The following STAU2 variants were observed in gnomAD, a reference collection of about 807,000 sequenced individuals.
STAU2 encodes the protein staufen double-stranded RNA binding protein 2.
A neutral mutation model predicts 65.9 loss-of-function variants in STAU2; 20 were observed. The ratio of observed to expected loss-of-function variants is 0.30; its 90% CI spans 0.21 to 0.44. The LOEUF (loss-of-function observed/expected upper bound fraction) is 0.44. Ranked by LOEUF, STAU2 falls within the 20% of genes least tolerant of loss-of-function variation. The pLI is 1.00. For missense variants in STAU2, 558 were observed against 683.9 expected (o/e 0.82, Z 2.05); for synonymous variants, 232 against 233.9 (o/e 0.99, Z 0.07).
chr8:73,687,319 T>A lies in STAU2; in HGVS notation c.274+1335A>T, dbSNP rs1345354177. Among the ~76,000 whole-genome samples, 5 of 119,414 alleles carry A rather than the reference T, an allele frequency of 4.2e-5. No individual in the cohort carries two copies. The South Asian group carries it at 7.5e-4, about 18-fold the overall frequency. The allele number at this position is 119,414 out of a possible 152,430, so 78.3% of individuals were successfully genotyped here. On this transcript the variant is annotated intron_variant, in intron 5 of 14. Coordinates refer to ENST00000524300, the MANE Select transcript of STAU2 (RefSeq NM_001164380.2). ...TTATATTTATAAATATAATTTATAT[T>A]TATATTTATAAATATAATTTATATT...
intron 9 of STAU2, among the ~76,000 whole-genome samples, chr8:73,605,241 G>A (rs1223854422): frequency 1.3e-5 from 2 of 148,620 alleles, no homozygotes; most frequent in East Asian, 2.0e-4. Context: ...AATACATCAT[G>A]TTCATCGATC....
At chr8:73,516,380 T>A (rs917951163) in intron 13 of STAU2, among the ~76,000 whole-genome samples, 3 of 151,990 alleles carry the variant, frequency 2.0e-5, no homozygotes, top group African/African-American at 7.3e-5. Flanking sequence ...AATTTTCACA[T>A]ATTAAATTAT....
chr8:73,662,994 C>T (rs1816947217), intron 6 of STAU2, among the ~76,000 whole-genome samples: 2 of 152,098 alleles, frequency 1.3e-5, no homozygotes, highest in Admixed American at 1.3e-4. Context: ...TCCCCATTAG[C>T]ACCTTCACTG....
intron 3 of STAU2, among the ~76,000 whole-genome samples, chr8:73,719,324 G>A (rs377014931): frequency 3.3e-5 from 5 of 152,094 alleles, no homozygotes; most frequent in South Asian, 2.1e-4. Context: ...AGAATGGCAC[G>A]AACTCACAAG....
chr8:73,516,670 G>A (rs1372781892), intron 13 of STAU2, among the ~76,000 whole-genome samples: 1 of 152,108 alleles, frequency 6.6e-6, no homozygotes, highest in African/African-American at 2.4e-5. Flanking sequence ...TTAATTGAAG[G>A]TGTATTGCTA....
At chr8:73,540,424 C>A (rs988316068) in intron 13 of STAU2, among the ~76,000 whole-genome samples, 1 of 152,210 alleles carries the variant, frequency 6.6e-6, no homozygotes, top group African/African-American at 2.4e-5. Context: ...ACCCTGCTGA[C>A]ACTTTGATTT....
intron 5 of STAU2, among the ~76,000 whole-genome samples, chr8:73,681,494 A>G (rs1165291488): frequency 3.3e-5 from 5 of 152,216 alleles, no homozygotes; most frequent in Non-Finnish European, 7.3e-5. Context: ...AAAGCCTCAG[A>G]ATACACCAAA....
intron 6 of STAU2, chr8:73,652,701 G>C (rs1379450740): frequency 6.6e-6 from 1 of 150,830 alleles, no homozygotes; most frequent in African/African-American, 2.4e-5. Context: ...CTCCAGCCTA[G>C]GTGACAGAGC....
chr8:73,709,008 C>A, intron 4 of STAU2, 24 bp downstream of exon 4: 1 of 1,490,454 alleles, frequency 6.7e-7, no homozygotes. Flanking sequence ...AAGTATGTCT[C>A]ACCACCTCTC....
intron 5 of STAU2, among the ~76,000 whole-genome samples, chr8:73,679,358 C>T (rs1001553157): frequency 6.6e-6 from 1 of 152,162 alleles, no homozygotes; most frequent in African/African-American, 2.4e-5. Flanking sequence ...AGAACCACCA[C>T]AAGAACATAC....
At chr8:73,428,826 G>A (rs1054984094) in intron 13 of STAU2, among the ~76,000 whole-genome samples, 3 of 152,060 alleles carry the variant, frequency 2.0e-5, no homozygotes, top group Admixed American at 6.6e-5. Context: ...TATATGAGAC[G>A]AAGGCCAGGT....
At chr8:73,553,019 T>C (rs1204206849) in intron 12 of STAU2, among the ~76,000 whole-genome samples, 2 of 152,198 alleles carry the variant, frequency 1.3e-5, no homozygotes, top group Non-Finnish European at 2.9e-5. Flanking sequence ...ATGACCATTG[T>C]AGGGATTATC....
intron 6 of STAU2, among the ~76,000 whole-genome samples, chr8:73,662,598 T>TG (rs1816911225): frequency 1.4e-5 from 2 of 146,722 alleles, no homozygotes; most frequent in African/African-American, 2.7e-5. Context: ...GTTCAGGGGT[T>TG]TTTGTTGTTG....
At chr8:73,685,133 A>T (rs775642626) in intron 5 of STAU2, among the ~76,000 whole-genome samples, 1 of 152,160 alleles carries the variant, frequency 6.6e-6, no homozygotes, top group African/African-American at 2.4e-5. Context: ...CTTATGAAGA[A>T]GATGCCTGCC....
chr8:73,489,418 G>A (rs957883004), intron 13 of STAU2, among the ~76,000 whole-genome samples: 1 of 151,894 alleles, frequency 6.6e-6, no homozygotes, highest in African/African-American at 2.4e-5. Flanking sequence ...ACTGATGGAG[G>A]TCTTAATCTA....
chr8:73,665,275 A>G (rs968484724), intron 6 of STAU2, among the ~76,000 whole-genome samples: 6 of 152,238 alleles, frequency 3.9e-5, no homozygotes. Context: ...TCTATTCTAT[A>G]AAGTGATATC....
At chr8:73,600,435 A>C (rs1811552040) in intron 10 of STAU2, among the ~76,000 whole-genome samples, 1 of 152,218 alleles carries the variant, frequency 6.6e-6, no homozygotes, top group Non-Finnish European at 1.5e-5. Context: ...AATCTAGTAC[A>C]GTCAGACCAG....
intron 4 of STAU2, among the ~76,000 whole-genome samples, chr8:73,702,598 CAA>C (rs1820193138): frequency 6.6e-6 from 1 of 151,716 alleles, no homozygotes; most frequent in Admixed American, 6.6e-5. Flanking sequence ...AAAAAAGAGA[CAA>C]AGAATATTAT....
intron 13 of STAU2, among the ~76,000 whole-genome samples, chr8:73,448,105 C>T (rs1188180211): frequency 2.0e-5 from 3 of 152,166 alleles, no homozygotes; most frequent in Admixed American, 6.5e-5. Flanking sequence ...CCAAGGAGGA[C>T]CCTAGGCAAA....
Sources: allele counts gnomAD v4.1 joint callset (sites outside exome capture counted in the v4.1 genomes callset), GRCh38; gene constraint gnomAD v4.1.1; transcripts MANE v1.5; gene names NCBI Gene and HGNC (gene_info 2026-07-23, HGNC 2026-07-21).